ARNT2: variants seen among roughly 807,000 people sequenced by gnomAD.
ARNT2 encodes aryl hydrocarbon receptor nuclear translocator 2, also known as ARNT protein 2.
In ARNT2, 36 loss-of-function variants were observed where a neutral mutation model predicts 91.7. That is an observed-to-expected ratio of 0.39 (90% confidence interval 0.30 to 0.52). The LOEUF (loss-of-function observed/expected upper bound fraction) is 0.52, where lower values mean the gene tolerates loss of function less well. Among genes scored for constraint, ARNT2 ranks in the 20% least tolerant of loss-of-function variants. The probability of loss-of-function intolerance (pLI) is 0.72; values close to 1 mark genes in which losing one functional copy is unlikely to be tolerated. For missense variants in ARNT2, 775 were observed against 939.3 expected, an observed-to-expected ratio of 0.83 and a Z score of 2.29; for synonymous variants, 365 against 347.1, an observed-to-expected ratio of 1.05 and a Z score of -0.57.
intron 5 of ARNT2, among the ~76,000 whole-genome samples, chr15:80,480,540 A>G (rs1372423700): frequency 6.6e-6 from 1 of 152,190 alleles, no homozygotes; most frequent in Non-Finnish European, 1.5e-5. Context: ...GATGTGCACA[A>G]GCATAACCCA....
At position 80,597,110 on chromosome 15, in the gene ARNT2, A is replaced by G; in HGVS notation, c.*3412A>G. On this transcript the variant is annotated 3_prime_UTR_variant, in exon 19 of 19. Transcript: ENST00000303329. ...GGGAGCTTTACTCTTCCGTGTCAAC[A>G]ATGTGACTACATGTTCTCCAGATTA... 1.9e-6 allele frequency: 1 copy of G among 518,130 alleles called. No homozygotes were observed. Among genetic ancestry groups the G allele is most frequent in the South Asian group, 1.4e-5 (1 of 71,504 alleles). The allele number at this position is 518,130 out of a possible 1,614,324, so 32.1% of individuals were successfully genotyped here. A position where few individuals can be genotyped will look rare whatever the true frequency, so the allele number is the denominator to read the frequency against.
At chr15:80,535,109 A>G (rs1266715025) in intron 8 of ARNT2, among the ~76,000 whole-genome samples, 1 of 152,212 alleles carries the variant, frequency 6.6e-6, no homozygotes, top group Non-Finnish European at 1.5e-5. Context: ...ATCAAGAGAT[A>G]ATGGACTACC....
At chr15:80,506,901 A>T (rs972207523) in intron 5 of ARNT2, among the ~76,000 whole-genome samples, 2 of 152,294 alleles carry the variant, frequency 1.3e-5, no homozygotes, top group South Asian at 4.1e-4. Context: ...CTGGCCAAGG[A>T]TAAGGACAAG....
At chr15:80,439,368 A>T (rs985645598) in intron 1 of ARNT2, among the ~76,000 whole-genome samples, 2 of 152,188 alleles carry the variant, frequency 1.3e-5, no homozygotes, top group Admixed American at 6.5e-5. Flanking sequence ...ATCTTGCAAT[A>T]GGTATTTGAC....
chr15:80,476,703 A>G (rs922040069), intron 5 of ARNT2, among the ~76,000 whole-genome samples: 6 of 152,242 alleles, frequency 3.9e-5, no homozygotes, highest in African/African-American at 1.4e-4. Context: ...ATACCACAGA[A>G]TGGGTTACTT....
chr15:80,460,889 G>A (rs1377292267), intron 3 of ARNT2, among the ~76,000 whole-genome samples: 2 of 152,192 alleles, frequency 1.3e-5, no homozygotes, highest in Non-Finnish European at 2.9e-5. Context: ...TGGGTCCAGA[G>A]GAGGAGGAGA....
At chr15:80,544,153 A>G (rs949854848) in intron 8 of ARNT2, among the ~76,000 whole-genome samples, 2 of 152,218 alleles carry the variant, frequency 1.3e-5, no homozygotes, top group Non-Finnish European at 2.9e-5. Context: ...TGCAGTTATA[A>G]TAACTGTGTT....
At chr15:80,527,206 G>A (rs1405325726) in intron 8 of ARNT2, among the ~76,000 whole-genome samples, 1 of 152,192 alleles carries the variant, frequency 6.6e-6, no homozygotes, top group African/African-American at 2.4e-5. Flanking sequence ...AGGTCGTGGG[G>A]ATCCTAAGGT....
chr15:80,492,771 G>A (rs1217284717), intron 5 of ARNT2, among the ~76,000 whole-genome samples: 1 of 152,094 alleles, frequency 6.6e-6, no homozygotes, highest in East Asian at 1.9e-4. Context: ...TCAGTTTTTA[G>A]CAGTATCACT....
At chr15:80,548,554 G>A (rs530564160) in intron 8 of ARNT2, among the ~76,000 whole-genome samples, 4 of 151,966 alleles carry the variant, frequency 2.6e-5, no homozygotes, top group East Asian at 1.9e-4. Flanking sequence ...GTGATAAAAC[G>A]GAAACAAATA....
intron 8 of ARNT2, among the ~76,000 whole-genome samples, chr15:80,541,208 C>T (rs1031062649): frequency 1.3e-4 from 20 of 152,080 alleles, no homozygotes; most frequent in East Asian, 9.7e-4. Context: ...GGTATCTCTG[C>T]GGTTTTGTTT....
In ARNT2 at chr15:80,576,905, C is replaced by A. The variant is rs778432333; in HGVS notation, c.1553C>A (p.Thr518Asn). The change falls in exon 15 of 19, where the codon ACC becomes AAC. Residue 518 changes from threonine to asparagine, a missense_variant. Thr to Asn is a moderately conservative substitution (Grantham distance 65). Around this residue, in one of 5 missense-constraint regions of ARNT2, gnomAD observed 325 missense variants for 359.9 expected, o/e 0.90. Coordinates refer to ENST00000303329, the MANE Select transcript of ARNT2 (RefSeq NM_014862.4). ...ATGAGCTCAGCCTCTGCAGCAGGAA[C>A]CCAGCAGATCTACTCCCAAGGAAGC... Reference protein sequence around the residue: ...KMMSSASAAGTQQIYSQGSPF... With the variant: ...KMMSSASAAGNQQIYSQGSPF... 1.9e-6 allele frequency: 3 copies of A among 1,614,162 alleles called. No individual in the cohort carries two copies. In the East Asian group the frequency reaches 6.7e-5, roughly 36 times the overall value.
intron 9 of ARNT2, 70 bp downstream of exon 9, chr15:80,551,345 G>T (rs375089832): frequency 7.1e-7 from 1 of 1,415,696 alleles, no homozygotes; most frequent in Non-Finnish European, 9.9e-7. Flanking sequence ...GAAGACTGTC[G>T]GTTTGGCTGC....
chr15:80,537,323 G>A (rs925135035), intron 8 of ARNT2, among the ~76,000 whole-genome samples: 8 of 152,140 alleles, frequency 5.3e-5, no homozygotes, highest in African/African-American at 7.2e-5. Context: ...GAACACAGCA[G>A]GAATTTTGGT....
intron 1 of ARNT2, among the ~76,000 whole-genome samples, chr15:80,420,847 G>A (rs60169836): frequency 0.23 from 34,335 of 151,910 alleles, 4,029 homozygotes; most frequent in Non-Finnish European, 0.24. Flanking sequence ...ACGGACCTTG[G>A]GTAACTGAAA....
chr15:80,545,135 G>T (rs1897970637), intron 8 of ARNT2, among the ~76,000 whole-genome samples: 1 of 152,204 alleles, frequency 6.6e-6, no homozygotes, highest in Non-Finnish European at 1.5e-5. Context: ...AGACCTTGGG[G>T]CAGTAACCCT....
At chr15:80,501,320 A>G (rs1164101090) in intron 5 of ARNT2, among the ~76,000 whole-genome samples, 1 of 152,220 alleles carries the variant, frequency 6.6e-6, no homozygotes, top group African/African-American at 2.4e-5. Context: ...GTTTATGCTA[A>G]GTGACATGAA....
At chr15:80,520,409 C>T (rs1436042972) in intron 8 of ARNT2, among the ~76,000 whole-genome samples, 3 of 152,086 alleles carry the variant, frequency 2.0e-5, no homozygotes, top group Non-Finnish European at 2.9e-5. Context: ...AGAATGTTAA[C>T]ATGTTTTAAA....
intron 13 of ARNT2, 150 bp downstream of exon 13, chr15:80,574,370 G>T: frequency 9.8e-6 from 7 of 716,996 alleles, no homozygotes; most frequent in Non-Finnish European, 1.4e-5. Context: ...AGGTCCCCTG[G>T]GGGTCTGCTG....
Sources: allele counts gnomAD v4.1 joint callset (sites outside exome capture counted in the v4.1 genomes callset), GRCh38; gene constraint gnomAD v4.1.1; regional missense constraint gnomAD v4.1.1; transcripts MANE v1.5; gene names NCBI Gene and HGNC (gene_info 2026-07-23, HGNC 2026-07-21).